Variants in TTC28 observed in about 807,000 individuals in gnomAD.
TTC28 encodes tetratricopeptide repeat protein 28.
Under a neutral mutation model 198.0 loss-of-function variants are expected in TTC28, and 61 were observed. That is an observed-to-expected ratio of 0.31 (90% CI 0.25 to 0.38). The LOEUF is 0.38. TTC28 is among the 10% of genes least tolerant of loss of function. The pLI is 1.00. For missense variants in TTC28, 2,678 were observed against 3,164.0 expected (o/e 0.85, Z 3.69); for synonymous variants, 1,171 against 1,297.8 (o/e 0.90, Z 2.10).
chr22:28,350,998 C>T (rs536779252), intron 2 of TTC28, among the ~76,000 whole-genome samples: 6 of 152,062 alleles, frequency 3.9e-5, no homozygotes, highest in East Asian at 3.9e-4. Context: ...CTGGCTAACA[C>T]GGTGAAACCC....
Position 28,435,489 on chromosome 22 carries a change from T to C in TTC28, c.382-128846A>G, listed in dbSNP as rs545157176. 2.9e-3 allele frequency among the ~76,000 whole-genome samples: 441 copies of C among 152,354 alleles called. 2 individuals carry two copies. The highest frequency in any genetic ancestry group is 9.8e-3 in the African/African-American group (409 of 41,588). ...AAAGCAAAGTCTTAAAGCTGAGACA[T>C]ACATTGTTATTAATGATATAATGAA... On this transcript the variant is annotated intron_variant, in intron 2 of 22. Coordinates refer to ENST00000397906, the MANE Select transcript of TTC28 (RefSeq NM_001145418.2).
chr22:28,160,598 G>A (rs945866834), intron 6 of TTC28, among the ~76,000 whole-genome samples: 1 of 151,958 alleles, frequency 6.6e-6, no homozygotes, highest in African/African-American at 2.4e-5. Context: ...ATTTGAAAAG[G>A]GAACACAATT....
intron 1 of TTC28, among the ~76,000 whole-genome samples, chr22:28,677,697 G>A (rs2052021653): frequency 6.6e-6 from 1 of 152,106 alleles, no homozygotes; most frequent in African/African-American, 2.4e-5. Flanking sequence ...AGCACTTTGG[G>A]AGGCCAAGGT....
At chr22:28,121,979 T>G (rs1942799365) in intron 6 of TTC28, among the ~76,000 whole-genome samples, 1 of 152,198 alleles carries the variant, frequency 6.6e-6, no homozygotes, top group Non-Finnish European at 1.5e-5. Context: ...GCGATTCTCC[T>G]GCCTCAGCCT....
chr22:28,122,754 T>C (rs2146943034), intron 6 of TTC28, among the ~76,000 whole-genome samples: 1 of 152,344 alleles, frequency 6.6e-6, no homozygotes, highest in South Asian at 2.1e-4. Context: ...GTTATAGATT[T>C]AAGGGATGTA....
intron 2 of TTC28, among the ~76,000 whole-genome samples, chr22:28,389,588 G>C (rs1438824523): frequency 1.3e-5 from 2 of 150,156 alleles, no homozygotes; most frequent in Non-Finnish European, 3.0e-5. Flanking sequence ...TATGTGTCGA[G>C]GAATTTATCC....
intron 2 of TTC28, among the ~76,000 whole-genome samples, chr22:28,601,860 C>A (rs111303118): frequency 2.0e-5 from 3 of 151,770 alleles, no homozygotes; most frequent in African/African-American, 7.2e-5. Context: ...AGCACTAATG[C>A]TGACTGTTAT....
chr22:28,221,255 G>A (rs1004576741), intron 5 of TTC28, among the ~76,000 whole-genome samples: 2 of 152,120 alleles, frequency 1.3e-5, no homozygotes, highest in Non-Finnish European at 2.9e-5. Context: ...GCAAGCAAAA[G>A]CCCAGTCACA....
At chr22:28,029,904 CT>C (rs1430214402) in intron 13 of TTC28, among the ~76,000 whole-genome samples, 1 of 152,208 alleles carries the variant, frequency 6.6e-6, no homozygotes, top group Admixed American at 6.5e-5. Context: ...TGTGAAGTTG[CT>C]CTGGCTTCTG....
intron 1 of TTC28, among the ~76,000 whole-genome samples, chr22:28,676,343 G>A (rs2145719938): frequency 6.6e-6 from 1 of 152,316 alleles, no homozygotes; most frequent in South Asian, 2.1e-4. Flanking sequence ...GTTATTGCCA[G>A]GGACTAGGGG....
intron 2 of TTC28, among the ~76,000 whole-genome samples, chr22:28,555,380 G>T (rs13053405): frequency 2.6e-5 from 4 of 152,088 alleles, no homozygotes; most frequent in Non-Finnish European, 1.5e-5. Flanking sequence ...TATGCAAAAA[G>T]ATACTTGCAC....
At chr22:28,121,749 C>A (rs909490826) in intron 6 of TTC28, among the ~76,000 whole-genome samples, 16 of 152,206 alleles carry the variant, frequency 1.1e-4, no homozygotes, top group African/African-American at 3.6e-4. Flanking sequence ...GCTAGAAAGC[C>A]AAGTATTTAC....
chr22:28,605,469 C>G (rs1191748205), intron 2 of TTC28, among the ~76,000 whole-genome samples: 1 of 152,180 alleles, frequency 6.6e-6, no homozygotes, highest in Non-Finnish European at 1.5e-5. Context: ...ACAAACACTT[C>G]TTTGTGCCCT....
Position 28,331,114 on chromosome 22 carries a change from C to G in TTC28, c.382-24471G>C, listed in dbSNP as rs148702895. Among the ~76,000 whole-genome samples, 7 of 152,254 alleles carry G rather than the reference C, an allele frequency of 4.6e-5. No homozygotes were observed. In the East Asian group the frequency reaches 1.2e-3, roughly 25 times the overall value. On this transcript the variant is annotated intron_variant, in intron 2 of 22. Transcript: ENST00000397906. ...TTCATTGGTAAACTACAACCACCTT[C>G]ACACGAGTAATCTTATTTAGTCTTA...
chr22:28,410,669 A>C (rs2047067309), intron 2 of TTC28, among the ~76,000 whole-genome samples: 1 of 152,238 alleles, frequency 6.6e-6, no homozygotes, highest in South Asian at 2.1e-4. Flanking sequence ...GGTTGAAAGG[A>C]GCCCAAGAGA....
chr22:28,078,776 G>C (rs2146799485), intron 12 of TTC28, among the ~76,000 whole-genome samples: 1 of 152,262 alleles, frequency 6.6e-6, no homozygotes, highest in South Asian at 2.1e-4. Flanking sequence ...CTGCCCTAGA[G>C]ACTGGGAACA....
At chr22:28,465,443 G>A (rs975349392) in intron 2 of TTC28, among the ~76,000 whole-genome samples, 1 of 152,014 alleles carries the variant, frequency 6.6e-6, no homozygotes, top group African/African-American at 2.4e-5. Context: ...GACCAACAAG[G>A]TGAAACCCCG....
intron 3 of TTC28, among the ~76,000 whole-genome samples, chr22:28,304,779 T>A (rs541601424): frequency 6.6e-6 from 1 of 152,088 alleles, no homozygotes; most frequent in Non-Finnish European, 1.5e-5. Context: ...AATAAAGAGG[T>A]AGTATCTTCA....
At chr22:28,139,988 G>A (rs1943291771) in intron 6 of TTC28, among the ~76,000 whole-genome samples, 2 of 152,150 alleles carry the variant, frequency 1.3e-5, no homozygotes, top group Admixed American at 1.3e-4. Context: ...CCATGATGAG[G>A]AGGGTTGTCT....
Sources: gnomAD v4.1 joint callset for allele counts (sites outside exome capture counted in the v4.1 genomes callset) on GRCh38, gnomAD v4.1.1 for gene constraint, MANE v1.5 for transcripts, NCBI Gene and HGNC (gene_info 2026-07-23, HGNC 2026-07-21) for gene names.